HAT1: variants seen among roughly 807,000 people sequenced by gnomAD.
HAT1 encodes histone acetyltransferase type B catalytic subunit.
HAT1 carries 20 observed loss-of-function variants against 56.6 expected under a neutral mutation model. The observed-to-expected ratio is 0.35, with a 90% CI of 0.25 to 0.51. The LOEUF is 0.51. HAT1 is among the 20% of genes least tolerant of loss of function. The pLI is 0.95. For missense variants in HAT1, 408 were observed against 504.3 expected, an observed-to-expected ratio of 0.81 and a Z score of 1.83; for synonymous variants, 146 against 165.5, an observed-to-expected ratio of 0.88 and a Z score of 0.91.
intron 1 of HAT1, among the ~76,000 whole-genome samples, 153 bp from the exon 2 acceptor site, chr2:171,925,384 A>G (rs926868246): frequency 6.6e-6 from 1 of 152,142 alleles, no homozygotes; most frequent in African/African-American, 2.4e-5. Context: ...TTCTTAATAC[A>G]TTTATTTAAG....
chr2:171,931,677 G>A (rs1686751160), intron 2 of HAT1, among the ~76,000 whole-genome samples: 1 of 152,088 alleles, frequency 6.6e-6, no homozygotes, highest in Non-Finnish European at 1.5e-5. Context: ...GTGTCTCGGG[G>A]GGGAAAAACA....
intron 8 of HAT1, among the ~76,000 whole-genome samples, chr2:171,969,485 G>T (rs1687763096): frequency 6.6e-6 from 1 of 152,102 alleles, no homozygotes; most frequent in Non-Finnish European, 1.5e-5. Context: ...AAAAAACTCA[G>T]TTTTTGATCC....
intron 2 of HAT1, among the ~76,000 whole-genome samples, chr2:171,938,076 T>TCTCTC (rs1574039412): frequency 3.9e-4 from 25 of 63,694 alleles, no homozygotes; most frequent in African/African-American, 1.1e-3. Flanking sequence ...CTCTCTCTCT[T>TCTCTC]TAAATGAACT....
intron 2 of HAT1, among the ~76,000 whole-genome samples, chr2:171,946,198 GA>G (rs1687159475): frequency 6.6e-6 from 1 of 152,140 alleles, no homozygotes; most frequent in South Asian, 2.1e-4. Context: ...AGTACAGCAG[GA>G]TGTATATAAG....
At chr2:171,924,183 G>A (rs1686517153) in intron 1 of HAT1, 1 of 150,908 alleles carries the variant, frequency 6.6e-6, no homozygotes. Flanking sequence ...TTTTGCTTAT[G>A]GCTTTTTTCT....
At chr2:171,951,480 C>T (rs184246453) in intron 3 of HAT1, among the ~76,000 whole-genome samples, 14 of 151,822 alleles carry the variant, frequency 9.2e-5, no homozygotes, top group East Asian at 3.9e-4. Flanking sequence ...AGTGCAGTGG[C>T]GCAATCTCAG....
intron 2 of HAT1, among the ~76,000 whole-genome samples, chr2:171,929,647 C>T (rs933648028): frequency 6.6e-6 from 1 of 152,078 alleles, no homozygotes; most frequent in African/African-American, 2.4e-5. Context: ...TTTTCATGTC[C>T]AATATGAGGA....
chr2:171,940,162 A>C (rs1299476386), intron 2 of HAT1, among the ~76,000 whole-genome samples: 1 of 152,204 alleles, frequency 6.6e-6, no homozygotes, highest in Non-Finnish European at 1.5e-5. Context: ...AAAATGACCA[A>C]TTCAGTTTCC....
rs1163494293 is a variant in HAT1, at chr2:171,965,438, A to C, written c.410A>C (p.Lys137Thr). ...TTACTGGAAAAGGAAGTTGATTTCA[A>C]GCCATTCGGAACCTTACTTCATACC... is the stretch of plus-strand genomic sequence containing the variant. ...LSLLEKEVDF[K>T]PFGTLLHTYS... Residue 137 changes from lysine to threonine, a missense_variant, in exon 5 of 11, where the codon AAG becomes ACG. By Grantham distance (78) the Lys-to-Thr change is moderately conservative. Coordinates refer to ENST00000264108, the MANE Select transcript of HAT1 (RefSeq NM_003642.4). 5.0e-6 allele frequency: 8 copies of C among 1,611,692 alleles called. No homozygotes were observed. Among genetic ancestry groups the C allele is most frequent in the Non-Finnish European group, 6.8e-6 (8 of 1,177,968 alleles).
At chr2:171,924,232 G>GT (rs1686519500) in intron 1 of HAT1, 1 of 145,836 alleles carries the variant, frequency 6.9e-6, no homozygotes, top group Admixed American at 6.9e-5. Context: ...TTTGGAGACT[G>GT]AGTCTCGCTC....
intron 2 of HAT1, among the ~76,000 whole-genome samples, chr2:171,945,691 G>T: frequency 6.8e-6 from 1 of 147,590 alleles, no homozygotes; most frequent in African/African-American, 2.5e-5. Context: ...TTTTTTGAGA[G>T]AGAGTCTCGC....
chr2:171,969,588 C>T (rs926193041), intron 8 of HAT1, among the ~76,000 whole-genome samples: 2 of 152,162 alleles, frequency 1.3e-5, no homozygotes, highest in African/African-American at 4.8e-5. Context: ...TGAAGGATGT[C>T]ATACATTATT....
chr2:171,949,157 CTCT>C (rs1015926614), intron 3 of HAT1, among the ~76,000 whole-genome samples: 29 of 151,974 alleles, frequency 1.9e-4, no homozygotes, highest in Admixed American at 2.6e-4. Flanking sequence ...TAAGAAAGAG[CTCT>C]TCTTCTTCTT....
chr2:171,973,634 G>A (rs368416792), intron 8 of HAT1, among the ~76,000 whole-genome samples: 1 of 152,078 alleles, frequency 6.6e-6, no homozygotes, highest in East Asian at 1.9e-4. Context: ...ACCTCCTGTC[G>A]GATCAGTGGT....
In HAT1 at chr2:171,946,727, T is replaced by G. The variant is rs1296335512; in HGVS notation, c.132T>G (p.Leu44=). The change falls in exon 3 of 11, where the codon CTT becomes CTG. Residue 44 remains leucine (L), a synonymous_variant. Transcript: ENST00000264108. ...AAACAGTTCGTTTTCCTGAAGATCT[T>G]GAAAATGACATTAGAACTTTCTTTC... ...ELKLVRFPED[L]ENDIRTFFPE... is the part of the protein sequence containing the mutation. 1.3e-6 allele frequency: 2 copies of G among 1,581,124 alleles called. No homozygotes were observed. The highest frequency in any genetic ancestry group is 8.7e-7 in the Non-Finnish European group (1 of 1,155,416).
At chr2:171,974,207 GAAAA>G (rs202160940) in intron 8 of HAT1, among the ~76,000 whole-genome samples, 6 of 71,104 alleles carry the variant, frequency 8.4e-5, no homozygotes, top group African/African-American at 2.2e-4. Flanking sequence ...AAAAGAAAAA[GAAAA>G]AAAAAAAAAG....
At chr2:171,941,750 C>A (rs903914450) in intron 2 of HAT1, among the ~76,000 whole-genome samples, 5 of 152,156 alleles carry the variant, frequency 3.3e-5, no homozygotes, top group African/African-American at 1.2e-4. Flanking sequence ...TCCAGCTTAC[C>A]CATTACTCAT....
At chr2:171,966,629 A>G (rs1407838680) in intron 7 of HAT1, 116 bp downstream of exon 7, 3 of 678,402 alleles carry the variant, frequency 4.4e-6, no homozygotes, top group East Asian at 2.7e-5. Context: ...ACTATTATTC[A>G]TGGGCTATGT....
chr2:171,976,355 T>C (rs765972873), intron 9 of HAT1, 47 bp downstream of exon 9: 1 of 1,191,888 alleles, frequency 8.4e-7, no homozygotes, highest in South Asian at 1.6e-5. Flanking sequence ...TACAAACAAA[T>C]TTTTGAAGTG....
Sources: gnomAD v4.1 joint callset for allele counts (sites outside exome capture counted in the v4.1 genomes callset) on GRCh38, gnomAD v4.1.1 for gene constraint, MANE v1.5 for transcripts, NCBI Gene and HGNC (gene_info 2026-07-23, HGNC 2026-07-21) for gene names.